ZNF236: variants seen among roughly 807,000 people sequenced by gnomAD.
ZNF236 encodes the protein regulated by glucose.
ZNF236 carries 50 observed loss-of-function variants against 191.2 expected under a neutral mutation model. The observed-to-expected ratio is 0.26, with a 90% CI of 0.21 to 0.33. The LOEUF is 0.33. ZNF236 is among the 10% of genes least tolerant of loss of function. The pLI, the probability that ZNF236 is intolerant of heterozygous loss-of-function variation, is 1.00. For missense variants in ZNF236, 1,754 were observed against 2,374.5 expected (o/e 0.74, Z 5.43); for synonymous variants, 907 against 928.8 (o/e 0.98, Z 0.43).
At chr18:76,827,202 T>C (rs1168348543) in intron 1 of ZNF236, among the ~76,000 whole-genome samples, 2 of 151,880 alleles carry the variant, frequency 1.3e-5, no homozygotes. Flanking sequence ...GGCCTGTTGT[T>C]GAGACGGAGT....
chr18:76,889,391 C>T (rs1315406679), intron 9 of ZNF236, among the ~76,000 whole-genome samples: 1 of 152,202 alleles, frequency 6.6e-6, no homozygotes, highest in African/African-American at 2.4e-5. Flanking sequence ...CCCGCTTCTC[C>T]CCTAGACCAC....
At chr18:76,854,339 A>G (rs912077059) in intron 3 of ZNF236, among the ~76,000 whole-genome samples, 13 of 152,202 alleles carry the variant, frequency 8.5e-5, no homozygotes, top group Non-Finnish European at 1.8e-4. Flanking sequence ...AAATAGGATT[A>G]TGTCATTATA....
intron 7 of ZNF236, among the ~76,000 whole-genome samples, chr18:76,878,764 T>A (rs1976787165): frequency 6.6e-6 from 1 of 152,216 alleles, no homozygotes; most frequent in Non-Finnish European, 1.5e-5. Flanking sequence ...ACTATAGGTA[T>A]CTTAATAGTA....
chr18:76,943,499 C>T (rs1254587702), intron 26 of ZNF236, among the ~76,000 whole-genome samples: 3 of 152,138 alleles, frequency 2.0e-5, no homozygotes, highest in Non-Finnish European at 4.4e-5. Flanking sequence ...AAGCAATTTA[C>T]TTATTCATGA....
intron 1 of ZNF236, among the ~76,000 whole-genome samples, chr18:76,847,113 T>TTTTTTTTTTTTTTTGAG: frequency 6.6e-6 from 1 of 152,158 alleles, no homozygotes; most frequent in Admixed American, 6.5e-5. Flanking sequence ...TTTTCAATTT[T>TTTTTTTTTTTTTTTGAG]AAATGTATAG....
At chr18:76,825,449 G>A (rs537109926) in intron 1 of ZNF236, among the ~76,000 whole-genome samples, 4 of 152,006 alleles carry the variant, frequency 2.6e-5, no homozygotes, top group Non-Finnish European at 5.9e-5. Flanking sequence ...ACGAATCTAG[G>A]TGGTGGTGGC....
At position 76,875,001 on chromosome 18, in the gene ZNF236, G is replaced by A. The variant is rs1304097929; in HGVS notation, c.668-491G>A. 6.6e-6 allele frequency among the ~76,000 whole-genome samples: 1 copy of A among 152,200 alleles called. No individual in the cohort carries two copies. The highest frequency in any genetic ancestry group is 1.5e-5 in the Non-Finnish European group (1 of 68,042). ...GCTCAGACTTAAAGAGGGTCATTTT[G>A]TCTGTTGTTTTGAGAGCAGCCTAGG... is the stretch of plus-strand genomic sequence containing the variant. On this transcript the variant is annotated intron_variant, in intron 5 of 30. Coordinates refer to ENST00000320610, the MANE Select transcript of ZNF236 (RefSeq NM_001306089.2). This position sits in a 1 kb window ranked among gnomAD's most constrained non-coding sequence, Gnocchi z 4.3.
chr18:76,868,160 T>A (rs955820739), intron 3 of ZNF236, among the ~76,000 whole-genome samples: 8 of 152,216 alleles, frequency 5.3e-5, no homozygotes, highest in Admixed American at 2.0e-4. Context: ...AGAGGGTCCC[T>A]GGTTCACACG....
At chr18:76,829,238 A>G (rs888335195) in intron 1 of ZNF236, among the ~76,000 whole-genome samples, 1 of 152,126 alleles carries the variant, frequency 6.6e-6, no homozygotes, top group African/African-American at 2.4e-5. Context: ...ATGTTTTGTC[A>G]TAGAACTTTT....
chr18:76,906,318 G>A (rs1220706271), intron 13 of ZNF236, among the ~76,000 whole-genome samples: 1 of 152,148 alleles, frequency 6.6e-6, no homozygotes, highest in African/African-American at 2.4e-5. Context: ...GTGTGGTATT[G>A]GCGGTGTTAT....
chr18:76,857,946 A>G (rs1029509738), intron 3 of ZNF236, among the ~76,000 whole-genome samples: 1 of 152,194 alleles, frequency 6.6e-6, no homozygotes, highest in African/African-American at 2.4e-5. Flanking sequence ...TTTGGTTACT[A>G]TGGATTCAGT....
At chr18:76,888,111 GC>G (rs1245073785) in intron 9 of ZNF236, 1 of 151,298 alleles carries the variant, frequency 6.6e-6, no homozygotes, top group Admixed American at 6.6e-5. Flanking sequence ...AGTGGCTCAC[GC>G]CTGTAATCCA....
At chr18:76,954,254 T>C (rs1437670155) in intron 27 of ZNF236, among the ~76,000 whole-genome samples, 1 of 152,232 alleles carries the variant, frequency 6.6e-6, no homozygotes, top group Non-Finnish European at 1.5e-5. Context: ...CGTGTGTTTG[T>C]TTGTCTTTCC....
At chr18:76,827,558 G>A (rs879928283) in intron 1 of ZNF236, among the ~76,000 whole-genome samples, 3 of 152,350 alleles carry the variant, frequency 2.0e-5, no homozygotes, top group Non-Finnish European at 2.9e-5. Context: ...AGCTGAACAA[G>A]AGACATGATC....
At position 76,910,128 on chromosome 18, in the gene ZNF236, G is replaced by A; in HGVS notation, c.2612G>A (p.Ser871Asn). 1.9e-6 allele frequency: 3 copies of A among 1,613,654 alleles called. No individual in the cohort carries two copies. The highest frequency in any genetic ancestry group is 2.5e-6 in the Non-Finnish European group (3 of 1,179,596). The stretch of plus-strand genomic sequence containing the variant: ...CACGTAGACCAGTTTGAAGAGCAGA[G>A]CCCTGCGCAACAGTCCTTCGAACCA... The part of the protein sequence containing the change: ...RGHVDQFEEQ[S>N]PAQQSFEPAG... The change falls in exon 15 of 31, where the codon AGC becomes AAC. Residue 871 changes from serine (S) to asparagine (N), a missense_variant. By Grantham distance (46) the Ser-to-Asn change is conservative (BLOSUM62 1). This residue lies in a region of ZNF236 where 641 missense variants were observed against 869.6 expected (regional missense o/e 0.74). Coordinates refer to ENST00000320610, the MANE Select transcript of ZNF236 (RefSeq NM_001306089.2).
At chr18:76,932,657 G>A (rs1235440356) in intron 25 of ZNF236, among the ~76,000 whole-genome samples, 1 of 152,174 alleles carries the variant, frequency 6.6e-6, no homozygotes, top group East Asian at 1.9e-4. Flanking sequence ...CAGGAAACTG[G>A]CCGTCAGCAG....
At chr18:76,900,808 G>T (rs1977567797) in intron 11 of ZNF236, among the ~76,000 whole-genome samples, 1 of 152,186 alleles carries the variant, frequency 6.6e-6, no homozygotes, top group Admixed American at 6.5e-5. Flanking sequence ...TAATATAGCA[G>T]TTCCCAACCT....
intron 3 of ZNF236, among the ~76,000 whole-genome samples, chr18:76,861,963 A>C (rs1293012373): frequency 6.6e-6 from 1 of 152,196 alleles, no homozygotes; most frequent in African/African-American, 2.4e-5. Context: ...TCCTGGGTTC[A>C]AGCCATTCTC....
chr18:76,955,919 G>A, intron 27 of ZNF236, 66 bp from the exon 28 acceptor site: 1 of 1,517,122 alleles, frequency 6.6e-7, no homozygotes, highest in African/African-American at 1.4e-5. Context: ...CACGGTGTGT[G>A]TCAGTTCACA....
Sources: gnomAD v4.1 joint callset for allele counts (sites outside exome capture counted in the v4.1 genomes callset) on GRCh38, gnomAD v4.1.1 for gene constraint, gnomAD v4.1.1 regional missense constraint, Gnocchi (gnomAD v3.1) non-coding constraint, MANE v1.5 for transcripts, NCBI Gene and HGNC (gene_info 2026-07-23, HGNC 2026-07-21) for gene names.